BRCA2: variants seen among roughly 807,000 people sequenced by gnomAD.
The protein encoded by BRCA2 is BRCA2 DNA repair associated.
BRCA2 carries 203 observed loss-of-function variants against 276.7 expected under a neutral mutation model. The observed-to-expected ratio is 0.73, with a 90% confidence interval of 0.65 to 0.82. The LOEUF (loss-of-function observed/expected upper bound fraction) is 0.82. BRCA2 is among the 40% of genes least tolerant of loss of function. The pLI is 0.00. For missense variants in BRCA2, 3,920 were observed against 3,915.0 expected (o/e 1.00, Z -0.03); for synonymous variants, 1,289 against 1,338.4 (o/e 0.96, Z 0.81).
rs1321694762 is a variant in BRCA2, at chr13:32,399,022, T to C, written c.*252T>C. 5 of 442,634 alleles carry C rather than the reference T, an allele frequency of 1.1e-5. No individual in the cohort carries two copies. The highest frequency in any genetic ancestry group is 8.0e-6 in the Non-Finnish European group (2 of 251,140). The allele number at this position is 442,634 out of a possible 1,614,324, so 27.4% of individuals were successfully genotyped here. A position where few individuals can be genotyped will look rare whatever the true frequency, so the allele number is the denominator to read the frequency against. ...ACTAATCAAGAAAAACATCTTTGGC[T>C]GAGCTCGGTGGCTCATGCCTGTAAT... On this transcript the variant is annotated 3_prime_UTR_variant, in exon 27 of 27. Coordinates refer to ENST00000380152, the MANE Select transcript of BRCA2 (RefSeq NM_000059.4).
chr13:32,365,920 A>G (rs2072778886), intron 18 of BRCA2, among the ~76,000 whole-genome samples: 1 of 150,564 alleles, frequency 6.6e-6, no homozygotes, highest in South Asian at 2.1e-4. Context: ...GGCCTCCTAT[A>G]TTGTTCCTAT....
chr13:32,327,041 A>G (rs544360992), intron 7 of BRCA2, among the ~76,000 whole-genome samples: 18 of 152,362 alleles, frequency 1.2e-4, no homozygotes, highest in African/African-American at 4.1e-4. Context: ...GAGGTCTTAA[A>G]TTCCACAAGT....
In BRCA2 at chr13:32,398,337, G is replaced by A. The variant is rs864622720; in HGVS notation, c.9824G>A (p.Ser3275Asn). The change falls in exon 27 of 27, where the codon AGT (serine) becomes AAT (asparagine). Residue 3275 changes from serine (S) to asparagine (N), a missense_variant. By Grantham distance (46) the Ser-to-Asn change is conservative. This residue lies in a region of BRCA2 where 657 missense variants were observed against 758.2 expected (regional missense o/e 0.87). Coordinates refer to ENST00000380152, the MANE Select transcript of BRCA2 (RefSeq NM_000059.4). Reference sequence around the variant, plus strand: ...AAGAGAAGAGCCTTGGATTTCTTGAGTAGACTGCCTTTACCTCCACCTGTT... The same window carrying A: ...AAGAGAAGAGCCTTGGATTTCTTGAATAGACTGCCTTTACCTCCACCTGTT... ...CKKRRALDFL[S>N]RLPLPPPVSP... 1 of 1,614,178 alleles carries A rather than the reference G, an allele frequency of 6.2e-7. No homozygotes were observed. Among genetic ancestry groups the A allele is most frequent in the Non-Finnish European group, 8.5e-7 (1 of 1,180,020 alleles).
chr13:32,329,425 T>C lies in BRCA2; in HGVS notation c.632-18T>C, dbSNP rs1555281335. 2 of 1,571,382 alleles carry C rather than the reference T, an allele frequency of 1.3e-6. No homozygotes were observed. On this transcript the variant is annotated intron_variant, in intron 7 of 26. Transcript: ENST00000380152. ...TTCTAGTGATAATATACAATACACA[T>C]AAATTTTTATCTTACAGTCAGAAAT... is the stretch of plus-strand genomic sequence containing the variant.
At chr13:32,316,174 C>G (rs1361960951) in intron 1 of BRCA2, among the ~76,000 whole-genome samples, 13 of 152,300 alleles carry the variant, frequency 8.5e-5, no homozygotes, top group African/African-American at 2.9e-4. Flanking sequence ...GTGATTGAAA[C>G]TAAATCGTAT....
Position 32,333,288 on chromosome 13 carries a change from A to G in BRCA2, c.1810A>G (p.Lys604Glu), listed in dbSNP as rs80358467. The stretch of plus-strand genomic sequence containing the variant: ...TGATGAAACATCTTATAAAGGAAAA[A>G]AAATACCGAAAGACCAAAAATCAGA... ...IHDETSYKGK[K>E]IPKDQKSELI... Residue 604 changes from lysine to glutamate, a missense_variant, in exon 10 of 27, where the codon AAA becomes GAA. Transcript: ENST00000380152. 41 of 1,605,404 alleles carry G rather than the reference A, an allele frequency of 2.6e-5. No homozygotes were observed. The highest frequency in any genetic ancestry group is 1.7e-4 in the Middle Eastern group (1 of 6,022).
chr13:32,363,217 T>TA lies in BRCA2; in HGVS notation c.8021dup (p.Ile2675AspfsTer6), dbSNP rs397507952. The TA allele has an allele frequency of 6.2e-7, 1 of 1,613,942 alleles. No individual in the cohort carries two copies. The highest frequency in any genetic ancestry group is 8.5e-7 in the Non-Finnish European group (1 of 1,179,964). ...ATTGATAGAAGCAGAAGATCGGCTA[T>TA]AAAAAAGATAATGGAAAGGGATGAC... On this transcript the variant is annotated frameshift_variant, in exon 18 of 27. Coordinates refer to ENST00000380152, the MANE Select transcript of BRCA2 (RefSeq NM_000059.4). LOFTEE classifies it high-confidence loss of function.
rs776556224 is a variant in BRCA2, at chr13:32,336,890, T to C, written c.2535T>C (p.Pro845=). ...AAAAATACATGAGAGTAGCATCACC[T>C]TCAAGAAAGGTACAATTCAACCAAA... is the stretch of plus-strand genomic sequence containing the variant. The part of the protein sequence containing the change: ...PPEKYMRVAS[P]SRKVQFNQNT... The change falls in exon 11 of 27, where the codon CCT becomes CCC. Residue 845 remains proline (P), a synonymous_variant. Coordinates refer to ENST00000380152, the MANE Select transcript of BRCA2 (RefSeq NM_000059.4). The C allele has an allele frequency of 6.2e-7, 1 of 1,609,682 alleles. No individual in the cohort carries two copies. The highest frequency in any genetic ancestry group is 1.3e-5 in the African/African-American group (1 of 74,688).
intron 24 of BRCA2, chr13:32,385,788 G>T: frequency 5.6e-6 from 1 of 177,130 alleles, no homozygotes; most frequent in Non-Finnish European, 1.3e-5. Flanking sequence ...TGAAACCAGT[G>T]GTAGAAGAAA....
At chr13:32,346,982 C>A in intron 13 of BRCA2, 86 bp downstream of exon 13, 1 of 1,043,400 alleles carries the variant, frequency 9.6e-7, no homozygotes, top group Non-Finnish European at 1.4e-6. Flanking sequence ...AAAATAATGA[C>A]ACTAACGTTA....
At position 32,332,908 on chromosome 13, in the gene BRCA2, A is replaced by G. The variant is rs2137471377; in HGVS notation, c.1430A>G (p.His477Arg). 6.2e-7 allele frequency: 1 copy of G among 1,610,230 alleles called. No homozygotes were observed. Among genetic ancestry groups the G allele is most frequent in the South Asian group, 1.1e-5 (1 of 89,636 alleles). ...KRDEEQHLES[H>R]TDCILAVKQA... is the part of the protein sequence containing the mutation. ...GATGAAGAGCAGCATCTTGAATCTC[A>G]TACAGACTGCATTCTTGCAGTAAAG... Residue 477 changes from histidine to arginine, a missense_variant, in exon 10 of 27, where the codon CAT becomes CGT. Coordinates refer to ENST00000380152, the MANE Select transcript of BRCA2 (RefSeq NM_000059.4).
intron 26 of BRCA2, among the ~76,000 whole-genome samples, 193 bp from the exon 27 acceptor site, chr13:32,397,969 G>A (rs2073047380): frequency 6.6e-6 from 1 of 151,886 alleles, no homozygotes; most frequent in Non-Finnish European, 1.5e-5. Flanking sequence ...CATTTTATAT[G>A]TTCTTATGTA....
In BRCA2 at chr13:32,332,274, T is replaced by C. The variant is rs587782433; in HGVS notation, c.796T>C (p.Phe266Leu). 11 of 1,599,826 alleles carry C rather than the reference T, an allele frequency of 6.9e-6. No homozygotes were observed. In the Admixed American group the frequency reaches 1.9e-4, roughly 27 times the overall value. ...TNQREAASHG[F>L]GKTSGNSFKV... ...GCTTCTGTTTTATACTTTAACAGGA[T>C]TTGGAAAAACATCAGGGAATTCATT... The change falls in exon 10 of 27, where the codon TTT becomes CTT. Residue 266 changes from phenylalanine to leucine, a missense_variant and splice_region_variant. Physicochemically the swap from Phe to Leu is conservative, Grantham distance 22 (BLOSUM62 0). Coordinates refer to ENST00000380152, the MANE Select transcript of BRCA2 (RefSeq NM_000059.4).
At chr13:32,389,937 G>C (rs1006503947) in intron 24 of BRCA2, among the ~76,000 whole-genome samples, 1 of 152,170 alleles carries the variant, frequency 6.6e-6, no homozygotes, top group South Asian at 2.1e-4. Context: ...CATTTTACCA[G>C]TTTAGTTGGG....
In BRCA2 at chr13:32,374,028, C is replaced by T. The variant is rs577934176; in HGVS notation, c.8633-2642C>T. 4.6e-5 allele frequency among the ~76,000 whole-genome samples: 7 copies of T among 152,366 alleles called. No homozygotes were observed. In the South Asian group the frequency reaches 1.2e-3, roughly 27 times the overall value. ...CAGGCCCAGCATCACATGGAGGCCA[C>T]CAAGGCTTAGGGCTTGCACCCTCTC... On this transcript the variant is annotated intron_variant, in intron 20 of 26. Coordinates refer to ENST00000380152, the MANE Select transcript of BRCA2 (RefSeq NM_000059.4).
chr13:32,354,312 G>T (rs961214155), intron 13 of BRCA2, among the ~76,000 whole-genome samples: 3 of 152,178 alleles, frequency 2.0e-5, no homozygotes, highest in African/African-American at 4.8e-5. Flanking sequence ...ATTGAAGAAG[G>T]TTGACTGTGG....
intron 16 of BRCA2, among the ~76,000 whole-genome samples, chr13:32,360,365 ATC>A (rs1311775962): frequency 2.6e-5 from 4 of 152,074 alleles, no homozygotes; most frequent in Admixed American, 6.5e-5. Flanking sequence ...GGGTAACATG[ATC>A]TGACTTTTTT....
Position 32,355,088 on chromosome 13 carries a change from C to A in BRCA2, c.7235C>A (p.Thr2412Asn), listed in dbSNP as rs397507384. 1 of 1,613,922 alleles carries A rather than the reference C, an allele frequency of 6.2e-7. No homozygotes were observed. Among genetic ancestry groups the A allele is most frequent in the Non-Finnish European group, 8.5e-7 (1 of 1,179,848 alleles). Reference protein sequence around the residue: ...PTKVFVPPFKTKSHFHRVEQC... With the variant: ...PTKVFVPPFKNKSHFHRVEQC... ...AAAGTCTTTGTTCCACCTTTTAAAA[C>A]TAAATCACATTTTCACAGAGTTGAA... is the stretch of plus-strand genomic sequence containing the variant. The change falls in exon 14 of 27, where the codon ACT becomes AAT. Residue 2412 changes from threonine to asparagine, a missense_variant. Thr to Asn is a moderately conservative substitution (Grantham distance 65, BLOSUM62 0). Around this residue, in one of 2 missense-constraint regions of BRCA2, gnomAD observed 3,263 missense variants for 3,156.9 expected, o/e 1.03. Transcript: ENST00000380152.
chr13:32,365,275 T>A (rs2072773476), intron 18 of BRCA2, among the ~76,000 whole-genome samples: 1 of 151,978 alleles, frequency 6.6e-6, no homozygotes, highest in Non-Finnish European at 1.5e-5. Context: ...GTGCTGGGAT[T>A]ACAGACATGA....
Sources: gnomAD v4.1 joint callset for allele counts (sites outside exome capture counted in the v4.1 genomes callset) on GRCh38, gnomAD v4.1.1 for gene constraint, gnomAD v4.1.1 regional missense constraint, MANE v1.5 for transcripts, NCBI Gene and HGNC (gene_info 2026-07-23, HGNC 2026-07-21) for gene names.